SCFD2: variants seen among roughly 807,000 people sequenced by gnomAD.
The protein encoded by SCFD2 is sec1 family domain containing 2.
A neutral mutation model predicts 58.9 loss-of-function variants in SCFD2; 54 were observed. The observed-to-expected ratio is 0.92, with a 90% confidence interval of 0.74 to 1.15. The LOEUF (loss-of-function observed/expected upper bound fraction) is 1.15, where lower values mean the gene tolerates loss of function less well. Among genes scored for constraint, SCFD2 ranks in the 50% most tolerant of loss-of-function variants. The pLI, the probability that SCFD2 is intolerant of heterozygous loss-of-function variation, is 0.00. For missense variants in SCFD2, 805 were observed against 836.6 expected, an observed-to-expected ratio of 0.96 and a Z score of 0.47; for synonymous variants, 321 against 335.9, an observed-to-expected ratio of 0.96 and a Z score of 0.49.
chr4:53,342,550 G>A (rs188069000), intron 2 of SCFD2, among the ~76,000 whole-genome samples: 7 of 152,202 alleles, frequency 4.6e-5, no homozygotes, highest in Admixed American at 1.3e-4. Context: ...ACAGATCAAC[G>A]AGACAGAAAG....
intron 7 of SCFD2, among the ~76,000 whole-genome samples, chr4:52,890,928 T>C (rs926479294): frequency 5.3e-5 from 8 of 152,124 alleles, no homozygotes; most frequent in Non-Finnish European, 1.2e-4. Context: ...CTCCTCCACA[T>C]GGTGCTCCTC....
intron 8 of SCFD2, among the ~76,000 whole-genome samples, chr4:52,875,802 C>CTATATATA (rs3052566): frequency 8.7e-4 from 53 of 61,262 alleles, no homozygotes; most frequent in Non-Finnish European, 1.4e-3. Context: ...TTATCTTTAA[C>CTATATATA]TATATATATA....
intron 4 of SCFD2, among the ~76,000 whole-genome samples, chr4:53,227,970 G>A (rs1729278511): frequency 6.6e-6 from 1 of 152,088 alleles, no homozygotes; most frequent in Admixed American, 6.6e-5. Context: ...GTTATTGAAA[G>A]CACAGACTTT....
At chr4:53,233,221 A>G (rs1239134322) in intron 4 of SCFD2, among the ~76,000 whole-genome samples, 1 of 148,072 alleles carries the variant, frequency 6.8e-6, no homozygotes, top group Non-Finnish European at 1.5e-5. Context: ...TTTAACAAAG[A>G]AAAAAAAAAT....
intron 4 of SCFD2, among the ~76,000 whole-genome samples, chr4:53,154,893 GGAA>G (rs1378725127): frequency 6.6e-6 from 1 of 152,168 alleles, no homozygotes; most frequent in Non-Finnish European, 1.5e-5. Context: ...CTTTGAAGAT[GGAA>G]GAAGAAGGCC....
chr4:53,122,371 C>T (rs1377514940), intron 5 of SCFD2, among the ~76,000 whole-genome samples: 4 of 150,848 alleles, frequency 2.7e-5, no homozygotes, highest in Admixed American at 6.6e-5. Context: ...AGCGAGACTC[C>T]GTCTAAAAAA....
chr4:52,884,140 T>G (rs1372357467), intron 8 of SCFD2, among the ~76,000 whole-genome samples: 1 of 152,180 alleles, frequency 6.6e-6, no homozygotes, highest in African/African-American at 2.4e-5. Context: ...CCTCAAGGAA[T>G]TTGTATTTGA....
intron 4 of SCFD2, among the ~76,000 whole-genome samples, chr4:53,187,965 T>C (rs578216201): frequency 1.3e-5 from 2 of 152,194 alleles, no homozygotes; most frequent in Admixed American, 6.5e-5. Context: ...TAATTGTGGC[T>C]GCACTGTGCT....
At chr4:53,273,791 T>C in intron 4 of SCFD2, 35 bp downstream of exon 4, 2 of 1,551,004 alleles carry the variant, frequency 1.3e-6, no homozygotes, top group Non-Finnish European at 1.7e-6. Flanking sequence ...AAACATTAAT[T>C]ATTAAGATCC....
intron 4 of SCFD2, among the ~76,000 whole-genome samples, chr4:53,249,798 A>T (rs1208762856): frequency 3.3e-5 from 5 of 152,234 alleles, no homozygotes; most frequent in Non-Finnish European, 7.3e-5. Context: ...CTCCTGAAGG[A>T]AGCACTAAAC....
chr4:52,874,845 C>T (rs1221097424), intron 8 of SCFD2, among the ~76,000 whole-genome samples: 1 of 152,190 alleles, frequency 6.6e-6, no homozygotes, highest in Non-Finnish European at 1.5e-5. Context: ...AGGTCATATT[C>T]ACAGATACCA....
At chr4:53,206,871 G>C in intron 4 of SCFD2, among the ~76,000 whole-genome samples, 1 of 152,016 alleles carries the variant, frequency 6.6e-6, no homozygotes, top group South Asian at 2.1e-4. Flanking sequence ...AACAGTGCCT[G>C]GTTGTCTTAG....
intron 2 of SCFD2, among the ~76,000 whole-genome samples, chr4:53,347,523 GA>G (rs34370619): frequency 2.3e-4 from 35 of 150,152 alleles, no homozygotes; most frequent in African/African-American, 7.8e-4. Context: ...TGCTATGGAG[GA>G]AAAAAAAATG....
intron 2 of SCFD2, among the ~76,000 whole-genome samples, chr4:53,318,448 T>C (rs1732927721): frequency 6.6e-6 from 1 of 152,184 alleles, no homozygotes; most frequent in Non-Finnish European, 1.5e-5. Context: ...AATATAAAGA[T>C]ATTAATCATC....
intron 4 of SCFD2, among the ~76,000 whole-genome samples, chr4:53,238,381 G>A (rs1253498696): frequency 4.3e-5 from 6 of 139,552 alleles, no homozygotes; most frequent in Non-Finnish European, 7.9e-5. Context: ...CTCCCGGACA[G>A]GGCGGCTGGC....
chr4:53,215,555 T>C (rs1335908592), intron 4 of SCFD2, among the ~76,000 whole-genome samples: 1 of 152,122 alleles, frequency 6.6e-6, no homozygotes, highest in Non-Finnish European at 1.5e-5. Flanking sequence ...GCTGAGATGA[T>C]GGGGTTTTCT....
At chr4:53,360,648 ACACCCAGGGCC>A (rs1380983865) in intron 1 of SCFD2, among the ~76,000 whole-genome samples, 116 of 152,360 alleles carry the variant, frequency 7.6e-4, no homozygotes, top group Non-Finnish European at 5.0e-4. Context: ...TTGGGATCCA[ACACCCAGGGCC>A]CAGCCAAGGT....
chr4:53,229,039 A>G (rs1729330037), intron 4 of SCFD2, among the ~76,000 whole-genome samples: 1 of 152,180 alleles, frequency 6.6e-6, no homozygotes, highest in Non-Finnish European at 1.5e-5. Flanking sequence ...AAGAGAATAA[A>G]AAACCTAGGA....
intron 4 of SCFD2, among the ~76,000 whole-genome samples, chr4:53,208,771 C>T (rs748182114): frequency 1.4e-4 from 21 of 152,144 alleles, no homozygotes; most frequent in African/African-American, 3.1e-4. Flanking sequence ...GTTAAAAGTA[C>T]GTCTCACATT....
Sources: allele counts gnomAD v4.1 joint callset (sites outside exome capture counted in the v4.1 genomes callset), GRCh38; gene constraint gnomAD v4.1.1; transcripts MANE v1.5; gene names NCBI Gene and HGNC (gene_info 2026-07-23, HGNC 2026-07-21).